Variants in EGFLAM observed in about 807,000 individuals in gnomAD.
The protein encoded by EGFLAM is EGF like, fibronectin type III and laminin G domains.
Under a neutral mutation model 113.1 loss-of-function variants are expected in EGFLAM, and 79 were observed. The ratio of observed to expected loss-of-function variants is 0.70; its 90% CI spans 0.58 to 0.84. The LOEUF (loss-of-function observed/expected upper bound fraction) is 0.84. Ranked by LOEUF, EGFLAM falls within the 40% of genes least tolerant of loss-of-function variation. The probability of loss-of-function intolerance (pLI) is 0.00; values close to 1 mark genes in which losing one functional copy is unlikely to be tolerated. For missense variants in EGFLAM, 1,265 were observed against 1,291.6 expected, an observed-to-expected ratio of 0.98 and a Z score of 0.32; for synonymous variants, 504 against 487.6, an observed-to-expected ratio of 1.03 and a Z score of -0.44.
chr5:38,351,878 C>T (rs1168223401), intron 4 of EGFLAM, among the ~76,000 whole-genome samples: 2 of 152,076 alleles, frequency 1.3e-5, no homozygotes, highest in South Asian at 2.1e-4. Context: ...GGGAACTTAC[C>T]ACTGTGTGTC....
chr5:38,304,211 A>T (rs1006565640), intron 1 of EGFLAM, among the ~76,000 whole-genome samples: 7 of 152,140 alleles, frequency 4.6e-5, no homozygotes, highest in Admixed American at 2.6e-4. Flanking sequence ...ACCCTTTGGA[A>T]TTCCCATAAA....
chr5:38,451,673 A>G, intron 19 of EGFLAM: 1 of 586,246 alleles, frequency 1.7e-6, no homozygotes. Context: ...GCCAAATCTG[A>G]CCCACCACTC....
At position 38,346,566 on chromosome 5, in the gene EGFLAM, A is replaced by G. The variant is rs1312838705; in HGVS notation, c.292-3935A>G. ...TCCCTTTGTTCATGAAACAGAGGAA[A>G]CACCCATCACTGGTAATTAATGGTA... On this transcript the variant is annotated intron_variant, in intron 3 of 21. Coordinates refer to ENST00000322350, the MANE Select transcript of EGFLAM (RefSeq NM_152403.4). 5 of 152,226 alleles carry G rather than the reference A, an allele frequency of 3.3e-5. No individual in the cohort carries two copies. The South Asian group carries it at 1.0e-3, about 32-fold the overall frequency. The allele number at this position is 152,226 out of a possible 1,614,324, so 9.4% of individuals were successfully genotyped here.
At chr5:38,454,353 C>T (rs762689769) in intron 19 of EGFLAM, among the ~76,000 whole-genome samples, 1 of 147,532 alleles carries the variant, frequency 6.8e-6, no homozygotes, top group African/African-American at 2.7e-5. Context: ...CATGCCTGAT[C>T]CCCCACGTGG....
intron 16 of EGFLAM, among the ~76,000 whole-genome samples, chr5:38,437,276 A>G (rs1289268060): frequency 1.3e-5 from 2 of 152,184 alleles, no homozygotes; most frequent in African/African-American, 4.8e-5. Context: ...GGGAATGTGC[A>G]GAGGGAGGGG....
chr5:38,317,099 C>A (rs1209957985), intron 1 of EGFLAM, among the ~76,000 whole-genome samples: 1 of 152,178 alleles, frequency 6.6e-6, no homozygotes, highest in Non-Finnish European at 1.5e-5. Context: ...CACACGGATG[C>A]AGCAAGATCA....
chr5:38,292,519 A>G (rs1224375967), intron 1 of EGFLAM, among the ~76,000 whole-genome samples: 1 of 152,198 alleles, frequency 6.6e-6, no homozygotes, highest in East Asian at 1.9e-4. Flanking sequence ...TGTTAATCAC[A>G]TGTGTTCCCC....
At chr5:38,265,772 G>A (rs1757618733) in intron 1 of EGFLAM, among the ~76,000 whole-genome samples, 1 of 152,226 alleles carries the variant, frequency 6.6e-6, no homozygotes, top group African/African-American at 2.4e-5. Flanking sequence ...GGCTCTGCGC[G>A]GGTCTCCGCC....
chr5:38,335,086 C>T (rs1739149507), intron 1 of EGFLAM, among the ~76,000 whole-genome samples: 1 of 152,204 alleles, frequency 6.6e-6, no homozygotes, highest in African/African-American at 2.4e-5. Context: ...GGTCGAGATA[C>T]CATCTTGGAC....
intron 1 of EGFLAM, among the ~76,000 whole-genome samples, chr5:38,314,934 G>A (rs761158876): frequency 7.2e-5 from 11 of 152,274 alleles, no homozygotes; most frequent in East Asian, 1.9e-4. Context: ...GCTGAGCTTC[G>A]ATGACTTTCT....
intron 6 of EGFLAM, chr5:38,402,229 A>G (rs1741138153): frequency 1.3e-5 from 2 of 152,246 alleles, no homozygotes; most frequent in African/African-American, 4.8e-5. Context: ...GTATTTTTTA[A>G]AAAACAACAA....
At chr5:38,265,940 C>T (rs2111695786) in intron 1 of EGFLAM, among the ~76,000 whole-genome samples, 1 of 152,316 alleles carries the variant, frequency 6.6e-6, no homozygotes, top group East Asian at 1.9e-4. Context: ...CCTGGTACCT[C>T]GACCCAGGTA....
intron 12 of EGFLAM, among the ~76,000 whole-genome samples, chr5:38,420,290 A>G (rs1741782289): frequency 6.6e-6 from 1 of 152,266 alleles, no homozygotes; most frequent in Admixed American, 6.5e-5. Context: ...ATAGTTTACC[A>G]TCCATTGATT....
At chr5:38,342,351 T>C (rs1739358305) in intron 3 of EGFLAM, among the ~76,000 whole-genome samples, 1 of 152,192 alleles carries the variant, frequency 6.6e-6, no homozygotes, top group African/African-American at 2.4e-5. Flanking sequence ...TCCCCCTCCT[T>C]TTACCTCCTC....
Position 38,344,958 on chromosome 5 carries a change from T to A in EGFLAM, c.292-5543T>A, listed in dbSNP as rs117351876. On this transcript the variant is annotated intron_variant, in intron 3 of 21. Coordinates refer to ENST00000322350, the MANE Select transcript of EGFLAM (RefSeq NM_152403.4). ...GTCTTTGAGTGGCCCAACTGAAATA[T>A]GGGGATTCTATTATGAGAAAGGAGA... is the stretch of plus-strand genomic sequence containing the variant. Among the ~76,000 whole-genome samples the A allele has an allele frequency of 7.9e-5, 12 of 152,248 alleles. No individual in the cohort carries two copies. The East Asian group carries it at 2.3e-3, about 29-fold the overall frequency.
chr5:38,355,153 T>G (rs986201177), intron 5 of EGFLAM, among the ~76,000 whole-genome samples: 1 of 151,712 alleles, frequency 6.6e-6, no homozygotes, highest in Admixed American at 6.6e-5. Context: ...TATATAAGGG[T>G]GTGTTAGTGA....
chr5:38,291,321 A>G (rs1758324939), intron 1 of EGFLAM, among the ~76,000 whole-genome samples: 1 of 152,180 alleles, frequency 6.6e-6, no homozygotes, highest in African/African-American at 2.4e-5. Context: ...TTTTCGGCCC[A>G]TGTTGGCTGA....
intron 1 of EGFLAM, among the ~76,000 whole-genome samples, chr5:38,262,977 A>G (rs963100699): frequency 1.3e-5 from 2 of 152,090 alleles, no homozygotes; most frequent in Admixed American, 6.5e-5. Flanking sequence ...CTAATCCTCT[A>G]CAACACTTGG....
At chr5:38,263,724 T>G (rs1757561297) in intron 1 of EGFLAM, among the ~76,000 whole-genome samples, 1 of 152,248 alleles carries the variant, frequency 6.6e-6, no homozygotes, top group Non-Finnish European at 1.5e-5. Flanking sequence ...CAAAGATGTT[T>G]CCCTATGTTT....
Sources: allele counts gnomAD v4.1 joint callset (sites outside exome capture counted in the v4.1 genomes callset), GRCh38; gene constraint gnomAD v4.1.1; transcripts MANE v1.5; gene names NCBI Gene and HGNC (gene_info 2026-07-23, HGNC 2026-07-21).